TMPO: variants seen among roughly 807,000 people sequenced by gnomAD.
The protein encoded by TMPO is thymopoietin.
Under a neutral mutation model 45.4 loss-of-function variants are expected in TMPO, and 22 were observed. That is an observed-to-expected ratio of 0.48 (90% CI 0.35 to 0.69). The LOEUF is 0.69. Ranked by LOEUF, TMPO falls within the 30% of genes least tolerant of loss-of-function variation. The probability of loss-of-function intolerance (pLI) is 0.01; values close to 1 mark genes in which losing one functional copy is unlikely to be tolerated. For synonymous variants in TMPO, 241 were observed against 204.1 expected (o/e 1.18, Z -1.54); for missense variants, 512 against 548.8 (o/e 0.93, Z 0.67).
chr12:98,534,907 A>G (rs1399181283), intron 3 of TMPO: 1 of 973,694 alleles, frequency 1.0e-6, no homozygotes, highest in Non-Finnish European at 1.2e-6. Flanking sequence ...CCAGTCTACA[A>G]ACTGTTACTT....
At chr12:98,528,162 A>G (rs772984350) in intron 2 of TMPO, 150 bp downstream of exon 2, 10 of 834,608 alleles carry the variant, frequency 1.2e-5, no homozygotes, top group Non-Finnish European at 1.7e-5. Flanking sequence ...TTGACTGTAA[A>G]TGAGTGAAAT....
intron 1 of TMPO, among the ~76,000 whole-genome samples, chr12:98,521,056 A>G (rs1205561327): frequency 7.2e-6 from 1 of 138,190 alleles, no homozygotes; most frequent in African/African-American, 2.7e-5. Context: ...AAGATTAACT[A>G]TTTGCATGCA....
rs908434561 is a variant in TMPO, at chr12:98,516,298, G to C, written c.279+152G>C. ...CCCCCTCGCGTCGCCCCTTCCCCGC[G>C]GGGCTGCAGGCGCCGGAGCGGAGAG... On this transcript the variant is annotated intron_variant, in intron 1 of 8. Transcript: ENST00000556029. 1.8e-4 allele frequency: 218 copies of C among 1,235,772 alleles called. No individual in the cohort carries two copies. In the African/African-American group the frequency reaches 3.2e-3, roughly 18 times the overall value. 76.6% of individuals were successfully genotyped at this position (1,235,772 alleles called of 1,614,324 possible).
At position 98,515,838 on chromosome 12, in the gene TMPO, T is replaced by C; in HGVS notation, c.-30T>C. 1 of 1,599,066 alleles carries C rather than the reference T, an allele frequency of 6.3e-7. No homozygotes were observed. The highest frequency in any genetic ancestry group is 8.5e-7 in the Non-Finnish European group (1 of 1,173,620). On this transcript the variant is annotated 5_prime_UTR_variant, in exon 1 of 9. Transcript: ENST00000556029. ...CGGCGTGAGCGGCGGCGGCAAAGGC[T>C]GTGGGGAGGGGGCTTCGCAGATCCC... is the stretch of plus-strand genomic sequence containing the variant.
chr12:98,544,203 CT>C, intron 4 of TMPO, 26 bp from the exon 5 acceptor site: 1 of 1,612,448 alleles, frequency 6.2e-7, no homozygotes, highest in South Asian at 1.1e-5. Context: ...TAGAATATGA[CT>C]TTTTAATGTG....
intron 4 of TMPO, among the ~76,000 whole-genome samples, chr12:98,541,093 T>C (rs1241301657): frequency 6.6e-6 from 1 of 152,188 alleles, no homozygotes; most frequent in Non-Finnish European, 1.5e-5. Context: ...AATTACTAAG[T>C]TGGTTCCTGT....
rs573744306 is a variant in TMPO at position 98,545,125 on chromosome 12, G to GTT, written c.990+66_990+67dup. On this transcript the variant is annotated intron_variant, in intron 7 of 8. Transcript: ENST00000556029. ...TTTCAAAGAGGAAATATAAATATTTGTTTGTTTTTTTTTTTTTTTTTTGGA... is the reference window on the plus strand; with the variant it reads ...TTTCAAAGAGGAAATATAAATATTTGTTTTTGTTTTTTTTTTTTTTTTTTGGA... 1,018 of 542,014 alleles carry GTT rather than the reference G, an allele frequency of 1.9e-3. 4 individuals carry two copies. The highest frequency in any genetic ancestry group is 0.011 in the African/African-American group (432 of 39,114). The allele number at this position is 542,014 out of a possible 1,614,324, so 33.6% of individuals were successfully genotyped here.
Position 98,547,673 on chromosome 12 carries a change from T to G in TMPO, c.1180T>G (p.Tyr394Asp). ...ESFSSKYVPK[Y>D]VPLADVKSEK... is the part of the protein sequence containing the mutation. ...TTTTTCATCTAAATATGTTCCTAAG[T>G]ATGTTCCCTTGGCAGATGTCAAGTC... The change falls in exon 9 of 9, where the codon TAT becomes GAT. Residue 394 changes from tyrosine to aspartate, a missense_variant. Physicochemically the swap from Tyr to Asp is radical, Grantham distance 160. This residue lies in a region of TMPO where 209 missense variants were observed against 235.1 expected (regional missense o/e 0.89). Coordinates refer to ENST00000556029, the MANE Select transcript of TMPO (RefSeq NM_001032283.3). 6.2e-7 allele frequency: 1 copy of G among 1,614,200 alleles called. No individual in the cohort carries two copies. Among genetic ancestry groups the G allele is most frequent in the Non-Finnish European group, 8.5e-7 (1 of 1,180,036 alleles).
intron 1 of TMPO, among the ~76,000 whole-genome samples, chr12:98,521,099 AATT>A (rs1876322145): frequency 1.1e-5 from 1 of 93,016 alleles, no homozygotes; most frequent in African/African-American, 4.0e-5. Flanking sequence ...GTTTATGAGG[AATT>A]TTTTTTTTTT....
rs539756809 is a variant in TMPO at position 98,520,714 on chromosome 12, A to G, written c.279+4568A>G. ...TCTCGGCTCCCTGCAAGCTCTGCCT[A>G]GCTGAGACTACAGGTGCCCGCCACC... On this transcript the variant is annotated intron_variant, in intron 1 of 8. Coordinates refer to ENST00000556029, the MANE Select transcript of TMPO (RefSeq NM_001032283.3). Among the ~76,000 whole-genome samples the G allele has an allele frequency of 6.0e-4, 91 of 150,924 alleles. 2 individuals are homozygous for G. Among genetic ancestry groups the G allele is most frequent in the African/African-American group, 2.2e-3 (90 of 41,094 alleles).
chr12:98,537,905 G>A (rs1220090610), intron 4 of TMPO, among the ~76,000 whole-genome samples: 4 of 152,182 alleles, frequency 2.6e-5, no homozygotes, highest in Non-Finnish European at 4.4e-5. Flanking sequence ...GGCAATGGAA[G>A]GGTTTTATAT....
At chr12:98,534,773 C>T (rs1281344628) in intron 3 of TMPO, 7 of 1,010,508 alleles carry the variant, frequency 6.9e-6, no homozygotes, top group Non-Finnish European at 8.3e-6. Flanking sequence ...ATACTTTTAT[C>T]TCAGTATCTT....
Position 98,515,631 on chromosome 12 carries a change from G to A in TMPO, c.-237G>A, listed in dbSNP as rs542918951. ...CTCCTGCCTGTAGTGTGTGGGCTGG[G>A]GTTGGTGCGAGCTTCCAGCTTGGCC... On this transcript the variant is annotated 5_prime_UTR_variant, in exon 1 of 9. Transcript: ENST00000556029. The A allele has an allele frequency of 1.1e-5, 8 of 721,892 alleles. No individual in the cohort carries two copies. Among genetic ancestry groups the A allele is most frequent in the Admixed American group, 2.9e-5 (1 of 34,982 alleles). 44.7% of individuals were successfully genotyped at this position (721,892 alleles called of 1,614,324 possible).
intron 3 of TMPO, chr12:98,535,608 C>G (rs1877519618): frequency 2.0e-6 from 2 of 985,218 alleles, no homozygotes; most frequent in African/African-American, 1.7e-5. Context: ...TCTGCAAATT[C>G]AATAAAGTTG....
intron 1 of TMPO, among the ~76,000 whole-genome samples, chr12:98,519,006 C>T (rs568063355): frequency 5.7e-4 from 86 of 152,054 alleles, no homozygotes; most frequent in African/African-American, 1.9e-3. Flanking sequence ...CTCCGCCTCC[C>T]GAGTAGCTGG....
intron 3 of TMPO, 88 bp from the exon 4 acceptor site, chr12:98,537,387 A>G: frequency 8.7e-7 from 1 of 1,154,716 alleles, no homozygotes; most frequent in Non-Finnish European, 1.3e-6. Flanking sequence ...TAATGTGCCT[A>G]AAACCAGGGT....
At chr12:98,529,224 T>G (rs1877011099) in intron 2 of TMPO, among the ~76,000 whole-genome samples, 1 of 151,916 alleles carries the variant, frequency 6.6e-6, no homozygotes, top group African/African-American at 2.4e-5. Context: ...CGGCTAATTT[T>G]TATATTTTTA....
At chr12:98,540,036 T>TA (rs1443139967) in intron 4 of TMPO, among the ~76,000 whole-genome samples, 3 of 152,256 alleles carry the variant, frequency 2.0e-5, no homozygotes, top group Non-Finnish European at 4.4e-5. Context: ...AGGATCCACA[T>TA]ATCCGGTTTG....
intron 1 of TMPO, among the ~76,000 whole-genome samples, chr12:98,519,944 TTTTC>T (rs1383110845): frequency 3.9e-5 from 6 of 152,052 alleles, no homozygotes; most frequent in Non-Finnish European, 7.4e-5. Context: ...ATTTCTTTTT[TTTTC>T]TTTCTTTCTT....
Sources: gnomAD v4.1 joint callset for allele counts (sites outside exome capture counted in the v4.1 genomes callset) on GRCh38, gnomAD v4.1.1 for gene constraint, gnomAD v4.1.1 regional missense constraint, MANE v1.5 for transcripts, NCBI Gene and HGNC (gene_info 2026-07-23, HGNC 2026-07-21) for gene names.